CENPP: variants seen among roughly 807,000 people sequenced by gnomAD.
CENPP encodes centromere protein P.
A neutral mutation model predicts 35.6 loss-of-function variants in CENPP; 24 were observed. That is an observed-to-expected ratio of 0.67 (90% CI 0.49 to 0.95). The LOEUF (loss-of-function observed/expected upper bound fraction) is 0.95. Ranked by LOEUF, CENPP falls within the 40% of genes least tolerant of loss-of-function variation. CENPP has a pLI of 0.00. For missense variants in CENPP, 332 were observed against 345.3 expected (o/e 0.96, Z 0.31); for synonymous variants, 120 against 125.5 (o/e 0.96, Z 0.29).
intron 5 of CENPP, among the ~76,000 whole-genome samples, chr9:92,526,289 TAAAG>T (rs1441919474): frequency 6.6e-6 from 1 of 152,194 alleles, no homozygotes; most frequent in African/African-American, 2.4e-5. Context: ...AATTACGCTA[TAAAG>T]AAAGAAAATA....
intron 5 of CENPP, among the ~76,000 whole-genome samples, chr9:92,382,892 C>CATT (rs1459666948): frequency 1.4e-5 from 1 of 69,812 alleles, no homozygotes; most frequent in Non-Finnish European, 2.7e-5. Context: ...CACTGTTTTC[C>CATT]TTTTTTTTTT....
At chr9:92,398,441 C>A (rs1444902950) in intron 5 of CENPP, among the ~76,000 whole-genome samples, 2 of 152,064 alleles carry the variant, frequency 1.3e-5, no homozygotes, top group Non-Finnish European at 2.9e-5. Context: ...TCTTTTTAGC[C>A]TGTATTTATT....
chr9:92,540,897 C>T (rs555261043), intron 5 of CENPP, among the ~76,000 whole-genome samples: 1 of 151,922 alleles, frequency 6.6e-6, no homozygotes, highest in Non-Finnish European at 1.5e-5. Context: ...GCAAAAATAT[C>T]GATAAAGTAA....
chr9:92,446,831 AAAAG>A (rs1391989435), intron 5 of CENPP, among the ~76,000 whole-genome samples: 1 of 149,722 alleles, frequency 6.7e-6, no homozygotes, highest in Admixed American at 6.7e-5. Flanking sequence ...AAAAAAATAG[AAAAG>A]AAAAGAAAAA....
At chr9:92,361,511 G>T (rs962857014) in intron 4 of CENPP, among the ~76,000 whole-genome samples, 1 of 138,878 alleles carries the variant, frequency 7.2e-6, no homozygotes, top group East Asian at 2.2e-4. Context: ...ATGGAGTCTT[G>T]CTCTGTCACC....
intron 5 of CENPP, among the ~76,000 whole-genome samples, chr9:92,545,455 G>C (rs1849414076): frequency 6.6e-6 from 1 of 152,206 alleles, no homozygotes; most frequent in South Asian, 2.1e-4. Context: ...CGCTGTGCTT[G>C]ATTTCTCGTC....
At position 92,615,973 on chromosome 9, in the gene CENPP, G is replaced by A. The variant is rs375593586; in HGVS notation, c.*2824G>A. On this transcript the variant is annotated 3_prime_UTR_variant, in exon 8 of 8. Transcript: ENST00000375587. Reference sequence around the variant, plus strand: ...GTTTATACTGATGGGGAATGCTCTCGTAGGGCTTGAGGTCAAGGTCCAGCA... The same window carrying A: ...GTTTATACTGATGGGGAATGCTCTCATAGGGCTTGAGGTCAAGGTCCAGCA... 7.3e-5 allele frequency: 118 copies of A among 1,614,062 alleles called. No homozygotes were observed. In the East Asian group the frequency reaches 9.1e-4, roughly 12 times the overall value.
intron 4 of CENPP, among the ~76,000 whole-genome samples, chr9:92,346,239 C>T (rs1841291490): frequency 6.6e-6 from 1 of 152,046 alleles, no homozygotes; most frequent in Non-Finnish European, 1.5e-5. Flanking sequence ...ATTGCCCAGG[C>T]TGTTCTCAAA....
At chr9:92,418,451 A>G (rs567748620) in intron 5 of CENPP, among the ~76,000 whole-genome samples, 31 of 151,704 alleles carry the variant, frequency 2.0e-4, no homozygotes, top group Admixed American at 2.0e-3. Context: ...GGTATACTAG[A>G]CTTTCTACTA....
chr9:92,480,084 T>A (rs1423572122), intron 5 of CENPP, among the ~76,000 whole-genome samples: 3 of 152,230 alleles, frequency 2.0e-5, no homozygotes, highest in African/African-American at 7.2e-5. Flanking sequence ...TTTGGCAGTA[T>A]TCAGGTTACT....
intron 5 of CENPP, chr9:92,516,610 C>T (rs1430863060): frequency 1.3e-5 from 2 of 152,134 alleles, no homozygotes; most frequent in Non-Finnish European, 2.9e-5. Context: ...CATATTGAAA[C>T]ATTTAAAATC....
chr9:92,457,642 G>A lies in CENPP; in HGVS notation c.564+77783G>A, dbSNP rs553843783. On this transcript the variant is annotated intron_variant, in intron 5 of 7. Transcript: ENST00000375587. ...AAAGTAGATGTACTCACTTATGCAT[G>A]TTAAATACCTATTATAAAAACTCAA... Among the ~76,000 whole-genome samples the A allele has an allele frequency of 2.6e-5, 4 of 152,278 alleles. 1 individual carries two copies. In the East Asian group the frequency reaches 7.7e-4, roughly 29 times the overall value.
intron 5 of CENPP, chr9:92,474,577 A>G (rs769561020): frequency 6.4e-6 from 10 of 1,558,570 alleles, no homozygotes; most frequent in South Asian, 6.4e-5. Flanking sequence ...TTAAATTGTC[A>G]GAATAGCATT....
intron 5 of CENPP, among the ~76,000 whole-genome samples, chr9:92,546,424 C>T (rs979170763): frequency 4.6e-5 from 7 of 152,186 alleles, no homozygotes; most frequent in African/African-American, 1.4e-4. Context: ...ACTTTATGAG[C>T]TGTAACACTC....
At chr9:92,407,622 A>G (rs940340296) in intron 5 of CENPP, among the ~76,000 whole-genome samples, 1 of 152,162 alleles carries the variant, frequency 6.6e-6, no homozygotes, top group African/African-American at 2.4e-5. Flanking sequence ...AATTCTTTTT[A>G]TGAAGGCAAG....
At chr9:92,485,213 T>C (rs1354583271) in intron 5 of CENPP, among the ~76,000 whole-genome samples, 3 of 152,210 alleles carry the variant, frequency 2.0e-5, no homozygotes, top group Non-Finnish European at 4.4e-5. Flanking sequence ...CCCTCAAGTA[T>C]TGTGAAGAGA....
chr9:92,358,934 C>CT (rs1055528238), intron 4 of CENPP, among the ~76,000 whole-genome samples: 9 of 139,184 alleles, frequency 6.5e-5, no homozygotes, highest in African/African-American at 1.9e-4. Flanking sequence ...TTTTGTATCT[C>CT]TTTTTTTTTC....
At chr9:92,368,422 A>G (rs1841938625) in intron 4 of CENPP, among the ~76,000 whole-genome samples, 2 of 152,228 alleles carry the variant, frequency 1.3e-5, no homozygotes, top group Non-Finnish European at 2.9e-5. Context: ...TCTAGCTTCC[A>G]ATAATTTTAT....
At chr9:92,533,328 A>AAAAAAAATATATATATATAT (rs1554683138) in intron 5 of CENPP, among the ~76,000 whole-genome samples, 7 of 38,326 alleles carry the variant, frequency 1.8e-4, no homozygotes, top group Admixed American at 3.4e-4. Context: ...AAAAAAAAAA[A>AAAAAAAATATATATATATAT]ATATATATAT....
Sources: allele counts gnomAD v4.1 joint callset (sites outside exome capture counted in the v4.1 genomes callset), GRCh38; gene constraint gnomAD v4.1.1; transcripts MANE v1.5; gene names NCBI Gene and HGNC (gene_info 2026-07-23, HGNC 2026-07-21).